NRG1: variants seen among roughly 807,000 people sequenced by gnomAD.
NRG1 encodes pro-neuregulin-1, membrane-bound isoform.
NRG1 carries 18 observed loss-of-function variants against 63.8 expected under a neutral mutation model. That is an observed-to-expected ratio of 0.28 (90% CI 0.19 to 0.42). NRG1 has a LOEUF of 0.42. NRG1 is among the 10% of genes least tolerant of loss of function. NRG1 has a pLI of 1.00. For synonymous variants in NRG1, 302 were observed against 301.3 expected (o/e 1.00, Z -0.02); for missense variants, 762 against 814.7 (o/e 0.94, Z 0.79).
intron 1 of NRG1, among the ~76,000 whole-genome samples, chr8:32,574,450 T>C (rs2129529343): frequency 6.6e-6 from 1 of 152,272 alleles, no homozygotes; most frequent in Non-Finnish European, 1.5e-5. Flanking sequence ...AATCTCATGT[T>C]GAATTGTAAT....
At chr8:32,519,106 A>G (rs1342483368) in intron 1 of NRG1, among the ~76,000 whole-genome samples, 1 of 152,168 alleles carries the variant, frequency 6.6e-6, no homozygotes, top group Non-Finnish European at 1.5e-5. Flanking sequence ...TATGAAATAG[A>G]CTTACACTTA....
intron 1 of NRG1, among the ~76,000 whole-genome samples, chr8:31,797,392 G>T (rs1340784732): frequency 6.6e-6 from 1 of 152,128 alleles, no homozygotes; most frequent in Non-Finnish European, 1.5e-5. Context: ...AGAATATGTG[G>T]TCTCAATAAA....
intron 1 of NRG1, among the ~76,000 whole-genome samples, chr8:31,814,747 T>C (rs1823271317): frequency 6.6e-6 from 1 of 151,600 alleles, no homozygotes; most frequent in Non-Finnish European, 1.5e-5. Context: ...GTCTTCAAAA[T>C]GTTTCTTTTC....
At chr8:32,329,021 T>G (rs1172585290) in intron 1 of NRG1, among the ~76,000 whole-genome samples, 1 of 152,068 alleles carries the variant, frequency 6.6e-6, no homozygotes, top group East Asian at 1.9e-4. Context: ...CAGACTGGAG[T>G]GCAGGGGCAC....
chr8:32,258,819 G>A (rs1388281330), intron 1 of NRG1, among the ~76,000 whole-genome samples: 1 of 152,166 alleles, frequency 6.6e-6, no homozygotes, highest in Non-Finnish European at 1.5e-5. Flanking sequence ...TGTGGGCACA[G>A]CCAAAACATA....
chr8:32,747,313 G>A (rs757106596), intron 7 of NRG1, among the ~76,000 whole-genome samples: 6 of 152,094 alleles, frequency 3.9e-5, no homozygotes, highest in Admixed American at 6.5e-5. Context: ...ACTGGTAGGA[G>A]AAAAAGGCAA....
intron 1 of NRG1, among the ~76,000 whole-genome samples, chr8:32,070,893 A>G (rs958073237): frequency 6.6e-6 from 1 of 152,176 alleles, no homozygotes; most frequent in Non-Finnish European, 1.5e-5. Context: ...GTCTTCTGGT[A>G]TCACATTCCT....
At chr8:32,449,448 A>T (rs2129487987) in intron 1 of NRG1, among the ~76,000 whole-genome samples, 1 of 152,056 alleles carries the variant, frequency 6.6e-6, no homozygotes, top group African/African-American at 2.4e-5. Flanking sequence ...CAACAAAAAA[A>T]CTTAACTCCA....
At chr8:31,763,736 G>A (rs1166269135) in intron 1 of NRG1, among the ~76,000 whole-genome samples, 1 of 152,162 alleles carries the variant, frequency 6.6e-6, no homozygotes, top group East Asian at 1.9e-4. Context: ...AGATCACGAG[G>A]TCAGGAGATC....
chr8:31,889,204 A>C (rs998654922), intron 1 of NRG1, among the ~76,000 whole-genome samples: 5 of 152,336 alleles, frequency 3.3e-5, no homozygotes, highest in Middle Eastern at 3.4e-3. Context: ...CAAATGTTAC[A>C]AATCCAGCGT....
chr8:32,044,929 AAACAC>A (rs1459023102), intron 1 of NRG1, among the ~76,000 whole-genome samples: 2 of 143,532 alleles, frequency 1.4e-5, no homozygotes, highest in African/African-American at 5.0e-5. Flanking sequence ...AAAAAAAAAA[AAACAC>A]ACACACACAA....
intron 1 of NRG1, among the ~76,000 whole-genome samples, chr8:32,395,579 GTTGTTTGTTTTCTTATA>G (rs2129484258): frequency 6.6e-6 from 1 of 150,664 alleles, no homozygotes; most frequent in South Asian, 2.1e-4. Flanking sequence ...CATTTATTAG[GTTGTTTGTTTTCTTATA>G]TTGAGTTATA....
chr8:32,030,199 A>G (rs1818044913), intron 1 of NRG1, among the ~76,000 whole-genome samples: 1 of 152,204 alleles, frequency 6.6e-6, no homozygotes, highest in Non-Finnish European at 1.5e-5. Context: ...CTGTCATACT[A>G]CATATGTGAA....
In NRG1 at chr8:32,605,934, G is replaced by A. The variant is rs529149781; in HGVS notation, c.400+251G>A. On this transcript the variant is annotated intron_variant, in intron 3 of 11. Transcript: ENST00000356819. ...AATAAGGCCATGAATGGCAGAGATA[G>A]GTTGGGTTGCTAAAATATAGGGGCT... Among the ~76,000 whole-genome samples the A allele has an allele frequency of 5.1e-4, 77 of 151,944 alleles. 1 individual carries two copies. Among genetic ancestry groups the A allele is most frequent in the African/African-American group, 1.8e-3 (73 of 41,478 alleles).
At chr8:31,995,917 A>G (rs374020939) in intron 1 of NRG1, among the ~76,000 whole-genome samples, 31 of 151,368 alleles carry the variant, frequency 2.0e-4, no homozygotes, top group African/African-American at 7.5e-4. Flanking sequence ...CTTTTTTTCT[A>G]TTTCCGTATT....
At chr8:32,245,442 C>G (rs1237835925) in intron 1 of NRG1, among the ~76,000 whole-genome samples, 1 of 152,112 alleles carries the variant, frequency 6.6e-6, no homozygotes, top group African/African-American at 2.4e-5. Context: ...GTCCAAACTG[C>G]TTTTTCCACA....
In NRG1 at chr8:31,764,005, CAA is replaced by C. The variant is rs559731505; in HGVS notation, c.37+124591_37+124592del. Among the ~76,000 whole-genome samples the C allele has an allele frequency of 1.5e-4, 9 of 61,168 alleles. 1 individual carries two copies. Among genetic ancestry groups the C allele is most frequent in the Admixed American group, 3.3e-4 (2 of 6,042 alleles). 40.1% of individuals were successfully genotyped at this position (61,168 alleles called of 152,430 possible). On this transcript the variant is annotated intron_variant, in intron 1 of 10. Transcript: ENST00000519301. ...TGGGTGACAGAGCAAGACTCCATCT[CAA>C]AAAAAAAAAAAAAAAAGATAGTTCT... is the stretch of plus-strand genomic sequence containing the variant.
chr8:32,600,327 C>G (rs1844112023), intron 2 of NRG1, among the ~76,000 whole-genome samples: 1 of 38,656 alleles, frequency 2.6e-5, no homozygotes, highest in African/African-American at 6.1e-5. Flanking sequence ...CAGTGTTGGA[C>G]ACACACACAC....
intron 7 of NRG1, among the ~76,000 whole-genome samples, chr8:32,746,355 C>CT (rs1490799122): frequency 6.6e-5 from 10 of 152,128 alleles, no homozygotes; most frequent in Non-Finnish European, 1.5e-4. Flanking sequence ...AAAGTCAAGA[C>CT]TTTAAGATTT....
Sources: allele counts gnomAD v4.1 joint callset (sites outside exome capture counted in the v4.1 genomes callset), GRCh38; gene constraint gnomAD v4.1.1; transcripts MANE v1.5; gene names NCBI Gene and HGNC (gene_info 2026-07-23, HGNC 2026-07-21).